Variants in DOK5 observed in about 807,000 individuals in gnomAD.
The protein encoded by DOK5 is downstream of tyrosine kinase 5.
DOK5 carries 27 observed loss-of-function variants against 43.3 expected under a neutral mutation model. The observed-to-expected ratio is 0.62, with a 90% confidence interval of 0.46 to 0.86. DOK5 has a LOEUF of 0.86. Ranked by LOEUF, DOK5 falls within the 40% of genes least tolerant of loss-of-function variation. The probability of loss-of-function intolerance (pLI) is 0.00; values close to 1 mark genes in which losing one functional copy is unlikely to be tolerated. For missense variants in DOK5, 373 were observed against 392.9 expected (o/e 0.95, Z 0.43); for synonymous variants, 146 against 140.1 (o/e 1.04, Z -0.30).
chr20:54,520,186 A>G (rs1983346128), intron 1 of DOK5, among the ~76,000 whole-genome samples: 1 of 152,170 alleles, frequency 6.6e-6, no homozygotes, highest in African/African-American at 2.4e-5. Context: ...AGTAAACGAC[A>G]TCTCCAATCT....
At chr20:54,601,803 T>C (rs2055603253) in intron 5 of DOK5, among the ~76,000 whole-genome samples, 1 of 152,236 alleles carries the variant, frequency 6.6e-6, no homozygotes, top group African/African-American at 2.4e-5. Context: ...GCACAGACAC[T>C]GTACTTCACT....
At chr20:54,641,544 T>G (rs1478442212) in intron 6 of DOK5, among the ~76,000 whole-genome samples, 2 of 112,052 alleles carry the variant, frequency 1.8e-5, no homozygotes, top group African/African-American at 5.9e-5. Context: ...CTAATTATCA[T>G]CATCATCATC....
Position 54,591,750 on chromosome 20 carries a change from A to G in DOK5, c.544A>G (p.Ser182Gly). Residue 182 changes from serine (S) to glycine (G), a missense_variant, in exon 5 of 8, where the codon AGC (serine) becomes GGC (glycine). Ser to Gly is a moderately conservative substitution (Grantham distance 56, BLOSUM62 0). Coordinates refer to ENST00000262593, the MANE Select transcript of DOK5 (RefSeq NM_018431.5). ...AGTCAAACTCATCTCTTGGCCGCTA[A>G]GCGCCCTGCGGCGGTATGGACGTGA... ...PRVKLISWPL[S>G]ALRRYGRDTT... The G allele has an allele frequency of 6.2e-7, 1 of 1,614,236 alleles. No homozygotes were observed. The highest frequency in any genetic ancestry group is 8.5e-7 in the Non-Finnish European group (1 of 1,180,034).
chr20:54,537,992 C>T (rs1176195156), intron 1 of DOK5, among the ~76,000 whole-genome samples: 2 of 151,738 alleles, frequency 1.3e-5, no homozygotes, highest in African/African-American at 4.8e-5. Context: ...GCACACACCA[C>T]CAAACCCAGC....
At chr20:54,547,508 T>G (rs966269412) in intron 1 of DOK5, among the ~76,000 whole-genome samples, 1 of 152,330 alleles carries the variant, frequency 6.6e-6, no homozygotes, top group East Asian at 1.9e-4. Flanking sequence ...TTCAGCTGCT[T>G]CTTAGAACTG....
At chr20:54,620,319 AC>A (rs1054900785) in intron 6 of DOK5, among the ~76,000 whole-genome samples, 1 of 152,016 alleles carries the variant, frequency 6.6e-6, no homozygotes, top group Non-Finnish European at 1.5e-5. Flanking sequence ...GCTCACTGCA[AC>A]CCCCGCCTCC....
intron 5 of DOK5, among the ~76,000 whole-genome samples, chr20:54,605,012 AATATAT>A (rs1555835479): frequency 6.9e-5 from 8 of 116,182 alleles, no homozygotes; most frequent in African/African-American, 3.3e-4. Context: ...AAAAAAAAAA[AATATAT>A]ATATATACAC....
chr20:54,504,997 C>G (rs1312105520), intron 1 of DOK5, among the ~76,000 whole-genome samples: 1 of 152,072 alleles, frequency 6.6e-6, no homozygotes, highest in Non-Finnish European at 1.5e-5. Context: ...TGAGATGCTT[C>G]TATTCATATC....
intron 5 of DOK5, among the ~76,000 whole-genome samples, chr20:54,608,198 A>G (rs1157192919): frequency 1.3e-5 from 2 of 152,150 alleles, no homozygotes; most frequent in Non-Finnish European, 2.9e-5. Context: ...CTGTCACACT[A>G]CAAGTATTTC....
At chr20:54,588,847 T>G in intron 4 of DOK5, 41 bp downstream of exon 4, 2 of 1,608,008 alleles carry the variant, frequency 1.2e-6, no homozygotes, top group Non-Finnish European at 1.7e-6. Flanking sequence ...TCAAAACTGC[T>G]TCTGTCTCCA....
At chr20:54,505,020 A>T (rs183803115) in intron 1 of DOK5, among the ~76,000 whole-genome samples, 1 of 152,130 alleles carries the variant, frequency 6.6e-6, no homozygotes, top group East Asian at 1.9e-4. Context: ...TCCCGGTGGC[A>T]TTCCCCAAGT....
intron 4 of DOK5, among the ~76,000 whole-genome samples, chr20:54,589,586 C>T (rs1000714386): frequency 6.6e-5 from 10 of 152,034 alleles, no homozygotes; most frequent in African/African-American, 2.2e-4. Context: ...AGCCTGGGGA[C>T]GGGGTAGATC....
intron 6 of DOK5, among the ~76,000 whole-genome samples, chr20:54,617,823 T>A (rs185841973): frequency 6.6e-6 from 1 of 152,358 alleles, no homozygotes; most frequent in East Asian, 1.9e-4. Flanking sequence ...TGGCACTTGC[T>A]AGTAATACGA....
At chr20:54,585,968 A>C (rs1008300607) in intron 2 of DOK5, among the ~76,000 whole-genome samples, 1 of 152,068 alleles carries the variant, frequency 6.6e-6, no homozygotes, top group Admixed American at 6.6e-5. Context: ...CTAAAAATAC[A>C]AAAAAATTAG....
chr20:54,634,437 C>CT (rs11470013), intron 6 of DOK5, among the ~76,000 whole-genome samples: 1,108 of 90,362 alleles, frequency 0.012, 62 homozygotes, highest in Non-Finnish European at 0.016. Context: ...TCATATCATG[C>CT]TTTTTTTTTT....
At chr20:54,568,441 A>T (rs1279761075) in intron 2 of DOK5, among the ~76,000 whole-genome samples, 1 of 152,244 alleles carries the variant, frequency 6.6e-6, no homozygotes, top group Non-Finnish European at 1.5e-5. Context: ...CAAGTTGGTG[A>T]AAAGTTTGTC....
At chr20:54,623,391 A>G (rs1600745394) in intron 6 of DOK5, among the ~76,000 whole-genome samples, 2 of 152,088 alleles carry the variant, frequency 1.3e-5, no homozygotes, top group Admixed American at 1.3e-4. Flanking sequence ...TTTGGGGTTG[A>G]ATATCGCTTA....
At chr20:54,614,596 C>T (rs777558439) in intron 6 of DOK5, among the ~76,000 whole-genome samples, 9 of 152,134 alleles carry the variant, frequency 5.9e-5, no homozygotes, top group Admixed American at 2.0e-4. Context: ...TCATTATTTC[C>T]GCTAAAAATT....
intron 1 of DOK5, among the ~76,000 whole-genome samples, chr20:54,506,973 A>C (rs1024893081): frequency 2.0e-5 from 3 of 152,196 alleles, no homozygotes; most frequent in Non-Finnish European, 4.4e-5. Context: ...TATTTAATCT[A>C]TCTATATCCT....
Sources: allele counts gnomAD v4.1 joint callset (sites outside exome capture counted in the v4.1 genomes callset), GRCh38; gene constraint gnomAD v4.1.1; transcripts MANE v1.5; gene names NCBI Gene and HGNC (gene_info 2026-07-23, HGNC 2026-07-21).